The following PCDH15 variants were observed in gnomAD, a reference collection of about 807,000 sequenced individuals.
The protein encoded by PCDH15 is protocadherin related 15.
Under a neutral mutation model 178.5 loss-of-function variants are expected in PCDH15, and 129 were observed. That is an observed-to-expected ratio of 0.72 (90% confidence interval 0.63 to 0.84). PCDH15 has a LOEUF of 0.84. Among genes scored for constraint, PCDH15 ranks in the 40% least tolerant of loss-of-function variants. The pLI, the probability that PCDH15 is intolerant of heterozygous loss-of-function variation, is 0.00. For missense variants in PCDH15, 2,230 were observed against 2,099.9 expected, an observed-to-expected ratio of 1.06 and a Z score of -1.21; for synonymous variants, 800 against 732.0, an observed-to-expected ratio of 1.09 and a Z score of -1.50.
chr10:54,357,795 G>A (rs1271714877), intron 5 of PCDH15, among the ~76,000 whole-genome samples: 1 of 152,070 alleles, frequency 6.6e-6, no homozygotes, highest in Admixed American at 6.6e-5. Flanking sequence ...AAAACAGCAT[G>A]GTACTGGTAC....
intron 32 of PCDH15, chr10:53,821,409 G>T: frequency 1.0e-6 from 1 of 997,142 alleles, no homozygotes. Flanking sequence ...TAGGCTTCAA[G>T]AAAAAACAGA....
intron 23 of PCDH15, among the ~76,000 whole-genome samples, chr10:53,954,601 C>T (rs1457506110): frequency 1.3e-5 from 2 of 152,094 alleles, no homozygotes; most frequent in Non-Finnish European, 2.9e-5. Flanking sequence ...ACTTCTGTGA[C>T]CAAGACACTG....
intron 1 of PCDH15, among the ~76,000 whole-genome samples, chr10:55,231,023 T>G (rs528472694): frequency 3.9e-5 from 6 of 152,116 alleles, no homozygotes; most frequent in African/African-American, 1.4e-4. Context: ...AGAGAAACAG[T>G]GTAATTTACT....
At chr10:55,173,087 G>A (rs1839382731) in intron 1 of PCDH15, among the ~76,000 whole-genome samples, 1 of 151,492 alleles carries the variant, frequency 6.6e-6, no homozygotes, top group Non-Finnish European at 1.5e-5. Flanking sequence ...CTAATGCTGG[G>A]GACATGTATC....
chr10:54,323,241 G>T (rs2061718785), intron 7 of PCDH15, among the ~76,000 whole-genome samples: 1 of 152,052 alleles, frequency 6.6e-6, no homozygotes, highest in South Asian at 2.1e-4. Context: ...GCAGAGAAAA[G>T]GAAATGGTTA....
intron 2 of PCDH15, among the ~76,000 whole-genome samples, chr10:55,503,249 C>T (rs541483305): frequency 9.3e-5 from 14 of 150,408 alleles, no homozygotes; most frequent in African/African-American, 2.4e-4. Flanking sequence ...AGATAAACAA[C>T]GGTTTTCATA....
At chr10:54,598,281 T>C (rs1468299303) in intron 2 of PCDH15, among the ~76,000 whole-genome samples, 1 of 151,890 alleles carries the variant, frequency 6.6e-6, no homozygotes, top group East Asian at 1.9e-4. Flanking sequence ...TCCACCACAA[T>C]CAATATTCTT....
At chr10:55,341,744 T>G in intron 2 of PCDH15, among the ~76,000 whole-genome samples, 2 of 138,590 alleles carry the variant, frequency 1.4e-5, no homozygotes, top group Non-Finnish European at 3.1e-5. Context: ...TAATTTTTTT[T>G]GTATATACAT....
At chr10:54,617,997 C>T (rs1398684798) in intron 2 of PCDH15, among the ~76,000 whole-genome samples, 1 of 151,438 alleles carries the variant, frequency 6.6e-6, no homozygotes, top group African/African-American at 2.4e-5. Flanking sequence ...ATAAGAGTCA[C>T]AGAATGAGAG....
chr10:54,640,625 C>A (rs1441998029), intron 2 of PCDH15, among the ~76,000 whole-genome samples: 1 of 151,868 alleles, frequency 6.6e-6, no homozygotes, highest in Non-Finnish European at 1.5e-5. Flanking sequence ...ATTTATATAC[C>A]TTTTCCCTCC....
intron 3 of PCDH15, among the ~76,000 whole-genome samples, chr10:54,510,146 T>C (rs2081521327): frequency 6.6e-6 from 1 of 152,180 alleles, no homozygotes; most frequent in South Asian, 2.1e-4. Flanking sequence ...GTCAAAAAAA[T>C]TGCTTTTATT....
intron 2 of PCDH15, among the ~76,000 whole-genome samples, chr10:55,529,004 T>G (rs955036349): frequency 6.6e-6 from 1 of 152,172 alleles, no homozygotes; most frequent in African/African-American, 2.4e-5. Flanking sequence ...TTCATGTGTT[T>G]TTTGGCTGCA....
At chr10:54,543,481 C>G (rs2085493936) in intron 2 of PCDH15, among the ~76,000 whole-genome samples, 1 of 152,156 alleles carries the variant, frequency 6.6e-6, no homozygotes, top group Non-Finnish European at 1.5e-5. Flanking sequence ...ATCCACACCC[C>G]CAACGCATGC....
intron 2 of PCDH15, among the ~76,000 whole-genome samples, chr10:55,460,799 C>G (rs1335096144): frequency 6.6e-6 from 1 of 152,042 alleles, no homozygotes; most frequent in Non-Finnish European, 1.5e-5. Context: ...TATTTTATCT[C>G]ATTCAGTGCT....
intron 23 of PCDH15, among the ~76,000 whole-genome samples, chr10:53,951,116 A>C (rs1347465310): frequency 1.3e-5 from 2 of 152,226 alleles, no homozygotes; most frequent in African/African-American, 4.8e-5. Context: ...AATTTGAGAA[A>C]AGAATTTTTA....
intron 2 of PCDH15, among the ~76,000 whole-genome samples, chr10:55,023,042 C>T (rs1003060128): frequency 3.4e-5 from 5 of 148,550 alleles, no homozygotes; most frequent in Middle Eastern, 3.9e-3. Context: ...CCCAAATTCA[C>T]GCCATTCTCC....
chr10:54,240,433 T>C (rs768664267), intron 8 of PCDH15, among the ~76,000 whole-genome samples: 1 of 152,002 alleles, frequency 6.6e-6, no homozygotes, highest in Non-Finnish European at 1.5e-5. Context: ...ATTACTGTCC[T>C]TGAATTTATT....
intron 1 of PCDH15, among the ~76,000 whole-genome samples, chr10:55,263,531 G>GGGGAGA (rs1482362954): frequency 6.6e-6 from 1 of 151,970 alleles, no homozygotes; most frequent in African/African-American, 2.4e-5. Flanking sequence ...CAGCCACGAG[G>GGGGAGA]GGGAGAGGGA....
chr10:55,237,930 T>TA (rs1841429080), intron 1 of PCDH15, among the ~76,000 whole-genome samples: 1 of 151,994 alleles, frequency 6.6e-6, no homozygotes, highest in African/African-American at 2.4e-5. Flanking sequence ...TGATGAAAAT[T>TA]AAAATGACTA....
Sources: allele counts gnomAD v4.1 joint callset (sites outside exome capture counted in the v4.1 genomes callset), GRCh38; gene constraint gnomAD v4.1.1; transcripts MANE v1.5; gene names NCBI Gene and HGNC (gene_info 2026-07-23, HGNC 2026-07-21).